NEMF: variants seen among roughly 807,000 people sequenced by gnomAD.
NEMF encodes the protein ribosome quality control complex subunit NEMF.
A neutral mutation model predicts 162.2 loss-of-function variants in NEMF; 89 were observed. The observed-to-expected ratio is 0.55, with a 90% confidence interval of 0.46 to 0.65. The LOEUF (loss-of-function observed/expected upper bound fraction) is 0.65, where lower values mean the gene tolerates loss of function less well. NEMF is among the 30% of genes least tolerant of loss of function. The pLI is 0.00. For synonymous variants in NEMF, 421 were observed against 404.5 expected (o/e 1.04, Z -0.49); for missense variants, 1,133 against 1,261.9 (o/e 0.90, Z 1.55).
chr14:49,848,113 C>T (rs1893600873), intron 3 of NEMF, among the ~76,000 whole-genome samples: 1 of 151,952 alleles, frequency 6.6e-6, no homozygotes. Context: ...AGCAATCTCC[C>T]ACCTTAGCCT....
intron 3 of NEMF, among the ~76,000 whole-genome samples, chr14:49,850,370 G>A (rs991098225): frequency 6.6e-6 from 1 of 152,172 alleles, no homozygotes; most frequent in Admixed American, 6.5e-5. Context: ...TTACAGGCAT[G>A]AGCCACCGCA....
At chr14:49,826,973 G>A (rs144690855) in intron 15 of NEMF, among the ~76,000 whole-genome samples, 19 of 152,256 alleles carry the variant, frequency 1.2e-4, no homozygotes, top group African/African-American at 4.3e-4. Flanking sequence ...AGAACAGCAA[G>A]GGCAAAGACC....
chr14:49,811,766 G>A (rs189218767), intron 18 of NEMF, among the ~76,000 whole-genome samples: 409 of 152,220 alleles, frequency 2.7e-3, no homozygotes, highest in African/African-American at 8.6e-3. Flanking sequence ...ACTGAACCAA[G>A]CTTTCATTCC....
At chr14:49,795,691 TA>T in intron 26 of NEMF, 99 bp downstream of exon 26, 1 of 1,098,922 alleles carries the variant, frequency 9.1e-7, no homozygotes, top group South Asian at 1.4e-5. Context: ...CACACAGGAT[TA>T]TTTTTTGGCC....
At chr14:49,844,280 G>A (rs1440328528) in intron 4 of NEMF, among the ~76,000 whole-genome samples, 1 of 152,062 alleles carries the variant, frequency 6.6e-6, no homozygotes, top group Non-Finnish European at 1.5e-5. Flanking sequence ...ATGCAACCTA[G>A]ATCCCTTGCA....
At position 49,799,678 on chromosome 14, in the gene NEMF, C is replaced by T. The variant is rs776893688; in HGVS notation, c.2373G>A (p.Arg791=). 1 of 1,610,290 alleles carries T rather than the reference C, an allele frequency of 6.2e-7. No homozygotes were observed. The highest frequency in any genetic ancestry group is 2.2e-5 in the East Asian group (1 of 44,794). ...TIDLSHLQPQ[R]SIQKLASKEE... is the part of the protein sequence containing the mutation. ...CTTTTGAAGCCAATTTCTGGATGGA[C>T]CTATGAAAATAAACACAAGGGAGTC... Residue 791 remains arginine, a splice_region_variant and synonymous_variant, in exon 24 of 33, where the codon AGG becomes AGA. Coordinates refer to ENST00000298310, the MANE Select transcript of NEMF (RefSeq NM_004713.6).
At position 49,828,884 on chromosome 14, in the gene NEMF, T is replaced by C. The variant is rs1372904588; in HGVS notation, c.1233-77A>G. On this transcript the variant is annotated intron_variant, in intron 13 of 32. Transcript: ENST00000298310. ...TTTTCAATTTTCTTCTTCAATAAAA[T>C]TATAAATGGTTTACAGTACTGGAAG... The C allele has an allele frequency of 3.0e-6, 4 of 1,330,882 alleles. No individual in the cohort carries two copies. In the East Asian group the frequency reaches 1.0e-4, roughly 33 times the overall value. 82.4% of individuals were successfully genotyped at this position (1,330,882 alleles called of 1,614,324 possible).
intron 17 of NEMF, 29 bp from the exon 18 acceptor site, chr14:49,814,079 C>T (rs751812205): frequency 8.0e-7 from 1 of 1,242,464 alleles, no homozygotes; most frequent in South Asian, 1.3e-5. Flanking sequence ...AAAAATGACA[C>T]TTTAAGTCCT....
chr14:49,800,372 T>A, intron 23 of NEMF, 48 bp downstream of exon 23: 1 of 1,350,184 alleles, frequency 7.4e-7, no homozygotes, highest in Non-Finnish European at 1.0e-6. Context: ...TACCTCATCA[T>A]CATTCTCAGC....
chr14:49,810,765 T>C (rs1891438007), intron 18 of NEMF, among the ~76,000 whole-genome samples: 1 of 152,182 alleles, frequency 6.6e-6, no homozygotes, highest in African/African-American at 2.4e-5. Flanking sequence ...TCAAAGTGGA[T>C]GGACTGCTCG....
chr14:49,846,056 G>A (rs937923704), intron 4 of NEMF, 84 bp downstream of exon 4: 1 of 1,159,466 alleles, frequency 8.6e-7, no homozygotes, highest in African/African-American at 1.6e-5. Context: ...GAAAAAAAAT[G>A]TTCCCCCACT....
chr14:49,848,948 A>C (rs1361197704), intron 3 of NEMF, among the ~76,000 whole-genome samples: 2 of 151,992 alleles, frequency 1.3e-5, no homozygotes, highest in Non-Finnish European at 2.9e-5. Context: ...GTTGAAAAAA[A>C]ACAACAATAA....
chr14:49,829,760 G>A (rs763933713), intron 11 of NEMF, among the ~76,000 whole-genome samples: 1 of 152,160 alleles, frequency 6.6e-6, no homozygotes, highest in Non-Finnish European at 1.5e-5. Flanking sequence ...TAAAGTTTGG[G>A]AGAACGAATT....
At chr14:49,843,920 G>A (rs960946972) in intron 4 of NEMF, among the ~76,000 whole-genome samples, 1 of 152,138 alleles carries the variant, frequency 6.6e-6, no homozygotes, top group Non-Finnish European at 1.5e-5. Flanking sequence ...CCAATATGGT[G>A]AAACCCCATC....
intron 15 of NEMF, 53 bp downstream of exon 15, chr14:49,828,238 T>C: frequency 8.5e-7 from 1 of 1,180,166 alleles, no homozygotes; most frequent in South Asian, 1.2e-5. Flanking sequence ...ATTATGTCCA[T>C]TAAATTACGC....
At chr14:49,833,952 T>G (rs545274969) in intron 7 of NEMF, 1 of 297,194 alleles carries the variant, frequency 3.4e-6, no homozygotes, top group East Asian at 7.9e-5. Context: ...CAGAGTCATT[T>G]TATAAAAACA....
rs947532082 is a variant in NEMF at position 49,829,442 on chromosome 14, C to T, written c.946-16G>A. On this transcript the variant is annotated splice_polypyrimidine_tract_variant and intron_variant, in intron 11 of 32. Transcript: ENST00000298310. ...CTTGCTTTTCCTTTTATTGGCAAAA[C>T]AGATTTTTTAAAAATTAGATTTCTC... is the stretch of plus-strand genomic sequence containing the variant. 1 of 1,605,756 alleles carries T rather than the reference C, an allele frequency of 6.2e-7. No individual in the cohort carries two copies. Among genetic ancestry groups the T allele is most frequent in the Non-Finnish European group, 8.5e-7 (1 of 1,174,686 alleles).
chr14:49,816,249 C>T (rs1410868927), intron 16 of NEMF, among the ~76,000 whole-genome samples: 1 of 152,202 alleles, frequency 6.6e-6, no homozygotes, highest in Non-Finnish European at 1.5e-5. Context: ...ACAATACTTT[C>T]ACAATTTCTT....
At chr14:49,805,035 G>C (rs75579591) in intron 19 of NEMF, among the ~76,000 whole-genome samples, 2 of 151,694 alleles carry the variant, frequency 1.3e-5, no homozygotes, top group Admixed American at 1.3e-4. Context: ...ATCTCAAAAC[G>C]AACAAACAAA....
Sources: allele counts gnomAD v4.1 joint callset (sites outside exome capture counted in the v4.1 genomes callset), GRCh38; gene constraint gnomAD v4.1.1; transcripts MANE v1.5; gene names NCBI Gene and HGNC (gene_info 2026-07-23, HGNC 2026-07-21).